Variants in CACNA2D3 observed in about 807,000 individuals in gnomAD.
CACNA2D3 encodes the protein calcium voltage-gated channel auxiliary subunit alpha2delta 3, also known as voltage-dependent calcium channel subunit alpha-2/delta-3.
In CACNA2D3, 60 loss-of-function variants were observed where a neutral mutation model predicts 160.6. The ratio of observed to expected loss-of-function variants is 0.37; its 90% confidence interval spans 0.30 to 0.46. The LOEUF is 0.46. Ranked by LOEUF, CACNA2D3 falls within the 20% of genes least tolerant of loss-of-function variation. The pLI, the probability that CACNA2D3 is intolerant of heterozygous loss-of-function variation, is 1.00. For missense variants in CACNA2D3, 1,205 were observed against 1,365.0 expected (o/e 0.88, Z 1.85); for synonymous variants, 558 against 492.9 (o/e 1.13, Z -1.75).
intron 2 of CACNA2D3, among the ~76,000 whole-genome samples, chr3:54,301,265 CA>C (rs770470122): frequency 7.6e-6 from 1 of 131,046 alleles, no homozygotes; most frequent in South Asian, 2.9e-4. Context: ...TCAAAACAAA[CA>C]AACAACAACA....
chr3:54,907,825 T>C (rs1700478236), intron 27 of CACNA2D3, among the ~76,000 whole-genome samples: 1 of 152,184 alleles, frequency 6.6e-6, no homozygotes, highest in African/African-American at 2.4e-5. Context: ...AATCATGTAA[T>C]ATGTGCCCTT....
At chr3:54,365,150 C>A (rs1202904316) in intron 3 of CACNA2D3, among the ~76,000 whole-genome samples, 1 of 152,162 alleles carries the variant, frequency 6.6e-6, no homozygotes, top group Non-Finnish European at 1.5e-5. Flanking sequence ...ACAAATTAGA[C>A]CTTCTGCTTC....
intron 4 of CACNA2D3, among the ~76,000 whole-genome samples, chr3:54,448,845 CAGA>C (rs1310366910): frequency 1.3e-5 from 2 of 152,164 alleles, no homozygotes; most frequent in Non-Finnish European, 2.9e-5. Context: ...AGGCAAATTG[CAGA>C]AGAACATTTG....
At chr3:54,183,176 G>A (rs547543184) in intron 2 of CACNA2D3, among the ~76,000 whole-genome samples, 152 of 151,038 alleles carry the variant, frequency 1.0e-3, no homozygotes, top group African/African-American at 3.5e-3. Flanking sequence ...TTAAGAAAGT[G>A]GAATTGAGTT....
chr3:55,033,172 C>G (rs1703716294), intron 35 of CACNA2D3, among the ~76,000 whole-genome samples: 2 of 152,148 alleles, frequency 1.3e-5, no homozygotes, highest in South Asian at 4.1e-4. Flanking sequence ...GGATACCAGA[C>G]TCAAAGCCCA....
chr3:54,176,903 C>T (rs1265254322), intron 2 of CACNA2D3, among the ~76,000 whole-genome samples: 1 of 152,060 alleles, frequency 6.6e-6, no homozygotes, highest in East Asian at 1.9e-4. Context: ...CCCAGTGTGG[C>T]ATTAGGGAGC....
intron 14 of CACNA2D3, among the ~76,000 whole-genome samples, chr3:54,824,185 T>G (rs1703700393): frequency 6.6e-6 from 1 of 152,222 alleles, no homozygotes; most frequent in Non-Finnish European, 1.5e-5. Context: ...TACCTTAGCT[T>G]ATCAGTAATC....
At chr3:54,928,466 A>T (rs941563651) in intron 27 of CACNA2D3, among the ~76,000 whole-genome samples, 4 of 152,130 alleles carry the variant, frequency 2.6e-5, no homozygotes, top group Admixed American at 1.3e-4. Context: ...GAGCCCGCAG[A>T]GTGTGTAATA....
At chr3:54,949,186 T>C (rs1575400328) in intron 27 of CACNA2D3, among the ~76,000 whole-genome samples, 1 of 152,172 alleles carries the variant, frequency 6.6e-6, no homozygotes, top group Non-Finnish European at 1.5e-5. Context: ...TTGATATAGT[T>C]TTGGTCAGTG....
At position 54,911,351 on chromosome 3, in the gene CACNA2D3, C is replaced by CT. The variant is rs58289082; in HGVS notation, c.2449+11505dup. 2.7e-3 allele frequency among the ~76,000 whole-genome samples: 157 copies of CT among 58,570 alleles called. 1 individual carries two copies. Among genetic ancestry groups the CT allele is most frequent in the Non-Finnish European group, 3.1e-3 (117 of 37,212 alleles). 38.4% of individuals were successfully genotyped at this position (58,570 alleles called of 152,430 possible). On this transcript the variant is annotated intron_variant, in intron 27 of 37. Transcript: ENST00000474759. ...CCTCCTCCCCCTCCTTCTTTGTCGT[C>CT]TTTTTTTTTTTTTTTTTTTTTTAAA...
intron 27 of CACNA2D3, among the ~76,000 whole-genome samples, chr3:54,902,090 G>A (rs1313990849): frequency 2.6e-5 from 4 of 152,216 alleles, no homozygotes; most frequent in African/African-American, 9.7e-5. Flanking sequence ...TGCCCCAACA[G>A]CAGATGGGAG....
intron 35 of CACNA2D3, among the ~76,000 whole-genome samples, chr3:55,041,346 C>T (rs1703955305): frequency 6.6e-6 from 1 of 152,186 alleles, no homozygotes; most frequent in Non-Finnish European, 1.5e-5. Flanking sequence ...CCAAACTCCT[C>T]CATGGAAGTT....
chr3:54,546,872 G>A (rs1702074365), intron 5 of CACNA2D3, among the ~76,000 whole-genome samples: 1 of 152,194 alleles, frequency 6.6e-6, no homozygotes, highest in South Asian at 2.1e-4. Context: ...CTTCTCAAAA[G>A]TGGTCCAGTT....
At chr3:54,487,973 G>C (rs1024908148) in intron 4 of CACNA2D3, among the ~76,000 whole-genome samples, 1 of 152,170 alleles carries the variant, frequency 6.6e-6, no homozygotes, top group Non-Finnish European at 1.5e-5. Context: ...GTACAGGAGG[G>C]TGTTTTCAGG....
chr3:55,072,608 G>A (rs916615803), intron 35 of CACNA2D3, among the ~76,000 whole-genome samples: 2 of 152,218 alleles, frequency 1.3e-5, no homozygotes, highest in Non-Finnish European at 1.5e-5. Context: ...TGCGATAGGG[G>A]TTCTAACCCT....
Position 54,593,093 on chromosome 3 carries a change from C to T in CACNA2D3, c.963+11216C>T, listed in dbSNP as rs190907328. Among the ~76,000 whole-genome samples the T allele has an allele frequency of 1.3e-3, 198 of 152,278 alleles. 1 individual carries two copies. The highest frequency in any genetic ancestry group is 2.2e-3 in the Non-Finnish European group (153 of 68,014). ...AGTTTGCAGAGAGAACAAATACCCA[C>T]TTTTATTCAATTCAAAACTAATAAA... On this transcript the variant is annotated intron_variant, in intron 9 of 37. Coordinates refer to ENST00000474759, the MANE Select transcript of CACNA2D3 (RefSeq NM_018398.3).
At chr3:54,899,150 T>G (rs2106886397) in intron 26 of CACNA2D3, among the ~76,000 whole-genome samples, 1 of 152,324 alleles carries the variant, frequency 6.6e-6, no homozygotes, top group Middle Eastern at 3.4e-3. Context: ...CATTCAGAAT[T>G]TGTGCTCAGT....
At chr3:54,653,364 TTCTC>T (rs1398609036) in intron 11 of CACNA2D3, among the ~76,000 whole-genome samples, 20 of 152,312 alleles carry the variant, frequency 1.3e-4, no homozygotes, top group Non-Finnish European at 1.6e-4. Flanking sequence ...CCTTTCCTCT[TTCTC>T]TTTCTTTCTC....
chr3:54,901,698 G>A (rs992695126), intron 27 of CACNA2D3, among the ~76,000 whole-genome samples: 26 of 152,144 alleles, frequency 1.7e-4, no homozygotes, highest in African/African-American at 6.3e-4. Flanking sequence ...TTAAAGAACC[G>A]TATTTAGTCC....
Sources: gnomAD v4.1 joint callset for allele counts (sites outside exome capture counted in the v4.1 genomes callset) on GRCh38, gnomAD v4.1.1 for gene constraint, MANE v1.5 for transcripts, NCBI Gene and HGNC (gene_info 2026-07-23, HGNC 2026-07-21) for gene names.